The following SS18 variants were observed in gnomAD, a reference collection of about 807,000 sequenced individuals.
SS18 encodes the protein SS18 subunit of BAF chromatin remodeling complex, also known as protein SSXT.
A neutral mutation model predicts 72.5 loss-of-function variants in SS18; 28 were observed. The ratio of observed to expected loss-of-function variants is 0.39; its 90% CI spans 0.29 to 0.53. The LOEUF (loss-of-function observed/expected upper bound fraction) is 0.53. Among genes scored for constraint, SS18 ranks in the 20% least tolerant of loss-of-function variants. The pLI, the probability that SS18 is intolerant of heterozygous loss-of-function variation, is 0.76. For missense variants in SS18, 518 were observed against 535.3 expected (o/e 0.97, Z 0.32); for synonymous variants, 172 against 164.2 (o/e 1.05, Z -0.37).
intron 4 of SS18, among the ~76,000 whole-genome samples, chr18:26,054,392 A>G (rs1050278570): frequency 6.6e-6 from 1 of 152,184 alleles, no homozygotes; most frequent in Non-Finnish European, 1.5e-5. Flanking sequence ...CTAGAGATAT[A>G]CAAATTTTTG....
intron 3 of SS18, among the ~76,000 whole-genome samples, chr18:26,065,937 T>C (rs2054207814): frequency 6.6e-6 from 1 of 151,484 alleles, no homozygotes; most frequent in Non-Finnish European, 1.5e-5. Flanking sequence ...CATTGTTATC[T>C]TGATTATAGT....
chr18:26,021,604 C>T (rs993125552), intron 10 of SS18, among the ~76,000 whole-genome samples: 3 of 152,012 alleles, frequency 2.0e-5, no homozygotes, highest in East Asian at 1.9e-4. Context: ...GATCCTACTG[C>T]GATGAAGACA....
At chr18:26,085,882 G>C (rs946036788) in intron 2 of SS18, 7 of 152,138 alleles carry the variant, frequency 4.6e-5, no homozygotes, top group African/African-American at 1.7e-4. Context: ...ACCAAACAAA[G>C]CAAGGGCCAA....
intron 3 of SS18, among the ~76,000 whole-genome samples, chr18:26,058,906 C>A (rs1415312243): frequency 6.6e-6 from 1 of 152,074 alleles, no homozygotes; most frequent in Non-Finnish European, 1.5e-5. Context: ...AAAAAACAAA[C>A]AAAAAACACT....
chr18:26,019,815 A>G lies in SS18; in HGVS notation c.1231-1435T>C, dbSNP rs868605014. On this transcript the variant is annotated intron_variant, in intron 10 of 10. Coordinates refer to ENST00000415083, the MANE Select transcript of SS18 (RefSeq NM_001007559.3). ...AAAAAAAAAAAAAAAAAAAAAAAAAAAGAGATTAGGGATTTTACACTAGTG... is the reference window on the plus strand; with the variant it reads ...AAAAAAAAAAAAAAAAAAAAAAAAAGAGAGATTAGGGATTTTACACTAGTG... Among the ~76,000 whole-genome samples, 427 of 146,840 alleles carry G rather than the reference A, an allele frequency of 2.9e-3. 5 individuals carry two copies. The highest frequency in any genetic ancestry group is 8.8e-3 in the African/African-American group (341 of 38,738).
At position 26,027,703 on chromosome 18, in the gene SS18, A is replaced by AAAGAC. The variant is rs1555643837; in HGVS notation, c.1230+4695_1230+4696insGTCTT. ...AAAAAAAAAAAAAAAAAAAAAAAAA[A>AAAGAC]AGTCTTTTCAACAAATGACTCTGAG... On this transcript the variant is annotated intron_variant, in intron 10 of 10. Coordinates refer to ENST00000415083, the MANE Select transcript of SS18 (RefSeq NM_001007559.3). Among the ~76,000 whole-genome samples the AAAGAC allele has an allele frequency of 2.7e-3, 336 of 124,702 alleles. 38 individuals carry two copies. The highest frequency in any genetic ancestry group is 0.011 in the African/African-American group (319 of 28,036). 81.8% of individuals were successfully genotyped at this position (124,702 alleles called of 152,430 possible).
intron 10 of SS18, among the ~76,000 whole-genome samples, chr18:26,023,967 G>A (rs1183904696): frequency 6.6e-6 from 1 of 151,874 alleles, no homozygotes; most frequent in Non-Finnish European, 1.5e-5. Flanking sequence ...GAGAAGAAAA[G>A]CAGACTACCT....
intron 10 of SS18, among the ~76,000 whole-genome samples, chr18:26,029,909 G>T (rs980693590): frequency 1.3e-5 from 2 of 152,104 alleles, no homozygotes; most frequent in African/African-American, 4.8e-5. Context: ...CACTAAAATA[G>T]CTAAAATGGT....
chr18:26,043,113 C>T (rs1048765197), intron 5 of SS18, among the ~76,000 whole-genome samples: 1 of 152,188 alleles, frequency 6.6e-6, no homozygotes, highest in Middle Eastern at 3.4e-3. Context: ...GTATTATTAT[C>T]GACTTCTTCA....
intron 10 of SS18, among the ~76,000 whole-genome samples, chr18:26,026,106 G>T (rs7242802): frequency 0.016 from 2,496 of 152,222 alleles, 36 homozygotes; most frequent in Middle Eastern, 0.075. Context: ...AACCTAAGTT[G>T]AACCACTGTT....
Position 26,018,168 on chromosome 18 carries a change from T to C in SS18, c.*186A>G, listed in dbSNP as rs1873359288. 2.0e-6 allele frequency: 1 copy of C among 501,972 alleles called. No homozygotes were observed. The highest frequency in any genetic ancestry group is 3.4e-5 in the South Asian group (1 of 29,042). 31.1% of individuals were successfully genotyped at this position (501,972 alleles called of 1,614,324 possible). ...TAGAAATGTGAAATCAAGAGTATTTTTGAGCTACTAAAGCCTTTTATAACT... is the reference window on the plus strand; with the variant it reads ...TAGAAATGTGAAATCAAGAGTATTTCTGAGCTACTAAAGCCTTTTATAACT... On this transcript the variant is annotated 3_prime_UTR_variant, in exon 11 of 11. Coordinates refer to ENST00000415083, the MANE Select transcript of SS18 (RefSeq NM_001007559.3).
intron 3 of SS18, among the ~76,000 whole-genome samples, chr18:26,070,593 G>A (rs2054294730): frequency 6.6e-6 from 1 of 152,214 alleles, no homozygotes; most frequent in Non-Finnish European, 1.5e-5. Context: ...ACTGGCATTA[G>A]AAGTTATTTT....
intron 2 of SS18, chr18:26,082,459 G>A (rs2054542077): frequency 2.0e-6 from 2 of 982,300 alleles, no homozygotes; most frequent in Admixed American, 1.2e-4. Context: ...TTTAAATTAC[G>A]ATGAATGATC....
chr18:26,042,380 T>C (rs2053743629), intron 5 of SS18, among the ~76,000 whole-genome samples: 2 of 152,314 alleles, frequency 1.3e-5, no homozygotes, highest in South Asian at 2.1e-4. Context: ...ATAATACATA[T>C]GCAAAGACCC....
intron 6 of SS18, among the ~76,000 whole-genome samples, chr18:26,038,920 C>T (rs596353): frequency 6.6e-6 from 1 of 152,042 alleles, no homozygotes; most frequent in Non-Finnish European, 1.5e-5. Flanking sequence ...ATGCTAACTT[C>T]TTAAAAATAG....
intron 3 of SS18, among the ~76,000 whole-genome samples, chr18:26,059,534 G>A (rs925900308): frequency 2.0e-5 from 3 of 152,216 alleles, no homozygotes; most frequent in Non-Finnish European, 4.4e-5. Context: ...CACTGATATG[G>A]AGACAAAGAC....
chr18:26,047,961 A>G (rs1054076771), intron 5 of SS18, among the ~76,000 whole-genome samples: 1 of 152,260 alleles, frequency 6.6e-6, no homozygotes, highest in African/African-American at 2.4e-5. Flanking sequence ...CAACTCCTTC[A>G]ATAACAGACA....
At chr18:26,030,525 C>T (rs919131148) in intron 10 of SS18, among the ~76,000 whole-genome samples, 4 of 152,112 alleles carry the variant, frequency 2.6e-5, no homozygotes, top group African/African-American at 9.7e-5. Flanking sequence ...ATCTTATTTC[C>T]CAATATGTTC....
At chr18:26,037,368 T>C (rs1478517495) in intron 7 of SS18, among the ~76,000 whole-genome samples, 1 of 152,048 alleles carries the variant, frequency 6.6e-6, no homozygotes. Flanking sequence ...GAAACAATCA[T>C]TTATTTTCAG....
Sources: allele counts gnomAD v4.1 joint callset (sites outside exome capture counted in the v4.1 genomes callset), GRCh38; gene constraint gnomAD v4.1.1; transcripts MANE v1.5; gene names NCBI Gene and HGNC (gene_info 2026-07-23, HGNC 2026-07-21).